TLE6: variants seen among roughly 807,000 people sequenced by gnomAD.
The protein encoded by TLE6 is TLE family member 6, subcortical maternal complex member, also known as transducin-like enhancer protein 6.
TLE6 carries 72 observed loss-of-function variants against 77.1 expected under a neutral mutation model. That is an observed-to-expected ratio of 0.93 (90% confidence interval 0.77 to 1.14). The LOEUF is 1.14. Ranked by LOEUF, TLE6 falls within the 50% of genes most tolerant of loss-of-function variation. The pLI, the probability that TLE6 is intolerant of heterozygous loss-of-function variation, is 0.00. For synonymous variants in TLE6, 366 were observed against 287.3 expected, an observed-to-expected ratio of 1.27 and a Z score of -2.77; for missense variants, 843 against 747.6, an observed-to-expected ratio of 1.13 and a Z score of -1.49.
chr19:2,993,347 A>C (rs1161833770), intron 14 of TLE6, 85 bp from the exon 15 acceptor site: 28 of 1,448,426 alleles, frequency 1.9e-5, no homozygotes, highest in Non-Finnish European at 2.6e-5. Context: ...CCCGGCCTCC[A>C]GGATAGGTCC....
chr19:2,987,654 C>A, intron 8 of TLE6, 70 bp from the exon 9 acceptor site: 1 of 1,560,368 alleles, frequency 6.4e-7, no homozygotes, highest in Non-Finnish European at 8.8e-7. Context: ...TGCAAGCTGC[C>A]CAGGAATCCG....
chr19:2,988,157 C>T (rs370830056), intron 11 of TLE6, 29 bp downstream of exon 11: 43 of 1,549,812 alleles, frequency 2.8e-5, no homozygotes, highest in Non-Finnish European at 3.5e-5. Flanking sequence ...TGCTTTTGGG[C>T]GGGGTGAGGG....
At chr19:2,981,616 G>T (rs2088799446) in intron 4 of TLE6, 33 bp downstream of exon 4, 4 of 1,550,010 alleles carry the variant, frequency 2.6e-6, no homozygotes, top group Non-Finnish European at 3.5e-6. Context: ...CAACCAAGGA[G>T]GGCCCCACTG....
At chr19:2,988,179 TCCTTCCTGTCTATA>T in intron 11 of TLE6, 51 bp downstream of exon 11, 1 of 1,528,570 alleles carries the variant, frequency 6.5e-7, no homozygotes, top group Non-Finnish European at 8.9e-7. Flanking sequence ...CAGCGGGAAT[TCCTTCCTGTCTATA>T]CCTCTGTTCC....
chr19:2,986,894 G>A lies in TLE6; in HGVS notation c.285+3G>A. On this transcript the variant is annotated splice_donor_region_variant and intron_variant, in intron 6 of 16. Coordinates refer to ENST00000246112, the MANE Select transcript of TLE6 (RefSeq NM_001143986.2). ...TCCAGGGTTTCCAGTCTGAGGAGGT[G>A]AGTTTCTGGGTCTTCAAGGAGGGGA... The A allele has an allele frequency of 6.4e-7, 1 of 1,551,902 alleles. No homozygotes were observed. Among genetic ancestry groups the A allele is most frequent in the South Asian group, 1.2e-5 (1 of 84,146 alleles).
chr19:2,994,206 T>C, intron 16 of TLE6, 111 bp downstream of exon 16: 1 of 862,054 alleles, frequency 1.2e-6, no homozygotes, highest in South Asian at 1.7e-5. Context: ...CCAGGTGTGG[T>C]GGCTCACGGC....
Position 2,993,567 on chromosome 19 carries a change from A to C in TLE6, c.1522A>C (p.Lys508Gln), listed in dbSNP as rs1489835680. Residue 508 changes from lysine (K) to glutamine (Q), a missense_variant, in exon 15 of 17, where the codon AAG becomes CAG. Coordinates refer to ENST00000246112, the MANE Select transcript of TLE6 (RefSeq NM_001143986.2). ...AAAAGACAGCGTCATCCTGAGCGTC[A>C]AGTTCTCCCCCTTTGGTAAGCGGCT... is the stretch of plus-strand genomic sequence containing the variant. The part of the protein sequence containing the change: ...GQKDSVILSV[K>Q]FSPFGQWWAS... 6.4e-7 allele frequency: 1 copy of C among 1,572,078 alleles called. No homozygotes were observed. The highest frequency in any genetic ancestry group is 8.7e-7 in the Non-Finnish European group (1 of 1,152,120).
At position 2,991,843 on chromosome 19, in the gene TLE6, G is replaced by A. The variant is rs375998738; in HGVS notation, c.1245G>A (p.Arg415=). 150 of 1,613,430 alleles carry A rather than the reference G, an allele frequency of 9.3e-5. No homozygotes were observed. Among genetic ancestry groups the A allele is most frequent in the Non-Finnish European group, 1.2e-4 (142 of 1,179,804 alleles). The change falls in exon 14 of 17, where the codon AGG becomes AGA. Residue 415 remains arginine (R), a splice_region_variant and synonymous_variant. Transcript: ENST00000246112. ...IWDLRDQSVV[R]DLKGYPDGVK... Reference sequence around the variant, plus strand: ...GCCTCCCGATGTCCCTTCTGGCCAGGGACCTCAAGGGTTATCCTGATGGAG... The same window carrying A: ...GCCTCCCGATGTCCCTTCTGGCCAGAGACCTCAAGGGTTATCCTGATGGAG...
intron 5 of TLE6, among the ~76,000 whole-genome samples, chr19:2,982,667 A>G (rs2088824022): frequency 2.0e-5 from 3 of 151,112 alleles, no homozygotes. Flanking sequence ...GCCATGGAGG[A>G]CTGCTGGCAG....
chr19:2,982,399 G>A (rs762545771), intron 5 of TLE6, among the ~76,000 whole-genome samples: 21 of 151,740 alleles, frequency 1.4e-4, no homozygotes, highest in Admixed American at 2.6e-4. Flanking sequence ...TTAGCCAGGC[G>A]TGGTGGCGGG....
In TLE6 at chr19:2,986,213, G is replaced by A. The variant is rs898285364; in HGVS notation, c.223-616G>A. On this transcript the variant is annotated intron_variant, in intron 5 of 16. Transcript: ENST00000246112. ...GGATAGTTTGAGGCCAGGAATTCAA[G>A]ACCAGCCTGGCCAACATAATGAGAC... Among the ~76,000 whole-genome samples the A allele has an allele frequency of 4.0e-5, 6 of 148,922 alleles. No homozygotes were observed. The Admixed American group carries it at 4.1e-4, about 10-fold the overall frequency.
intron 13 of TLE6, 78 bp downstream of exon 13, chr19:2,989,863 C>A (rs2089006170): frequency 1.3e-6 from 2 of 1,559,098 alleles, no homozygotes; most frequent in Admixed American, 1.8e-5. Context: ...ACTGCTACCA[C>A]CTCTGCCCGC....
intron 13 of TLE6, among the ~76,000 whole-genome samples, chr19:2,990,711 A>G (rs2089031082): frequency 6.7e-6 from 1 of 149,780 alleles, no homozygotes; most frequent in African/African-American, 2.4e-5. Context: ...ATACATATAT[A>G]AAAAACAGTC....
At position 2,993,561 on chromosome 19, in the gene TLE6, A is replaced by C; in HGVS notation, c.1516A>C (p.Ser506Arg). The change falls in exon 15 of 17, where the codon AGC becomes CGC. Residue 506 changes from serine (S) to arginine (R), a missense_variant. Ser to Arg is a moderately radical substitution (Grantham distance 110, BLOSUM62 -1). Coordinates refer to ENST00000246112, the MANE Select transcript of TLE6 (RefSeq NM_001143986.2). ...GGGGCAAAAAGACAGCGTCATCCTGAGCGTCAAGTTCTCCCCCTTTGGTAA... is the reference window on the plus strand; with the variant it reads ...GGGGCAAAAAGACAGCGTCATCCTGCGCGTCAAGTTCTCCCCCTTTGGTAA... ...MVGQKDSVIL[S>R]VKFSPFGQWW... 2 of 1,576,196 alleles carry C rather than the reference A, an allele frequency of 1.3e-6. No individual in the cohort carries two copies. Among genetic ancestry groups the C allele is most frequent in the Non-Finnish European group, 1.7e-6 (2 of 1,154,154 alleles).
intron 14 of TLE6, among the ~76,000 whole-genome samples, chr19:2,993,095 C>T (rs1039383659): frequency 6.6e-6 from 1 of 150,434 alleles, no homozygotes; most frequent in African/African-American, 2.5e-5. Flanking sequence ...CCTGTAGTCC[C>T]AGCTACTCAA....
At chr19:2,983,849 TTGAA>T (rs922926731) in intron 5 of TLE6, 3 of 152,356 alleles carry the variant, frequency 2.0e-5, no homozygotes, top group African/African-American at 7.2e-5. Context: ...TGAGAAGTAA[TTGAA>T]TAATTGTGGA....
chr19:2,989,053 C>G lies in TLE6; in HGVS notation c.741-8C>G, dbSNP rs551069654. ...CAGGTCAGTTACCCCAAGGCCTCCC[C>G]TCCCAAGATCCTGGGACCCTGAGGA... On this transcript the variant is annotated splice_polypyrimidine_tract_variant and splice_region_variant and intron_variant, in intron 11 of 16. Coordinates refer to ENST00000246112, the MANE Select transcript of TLE6 (RefSeq NM_001143986.2). The G allele has an allele frequency of 4.3e-6, 7 of 1,610,750 alleles. No individual in the cohort carries two copies. The Admixed American group carries it at 1.0e-4, about 23-fold the overall frequency.
At position 2,995,150 on chromosome 19, in the gene TLE6, TCAC is replaced by T; in HGVS notation, c.*147_*149del. On this transcript the variant is annotated 3_prime_UTR_variant, in exon 17 of 17. Transcript: ENST00000246112. ...AGTCTGTGGTGTAGACTGGTCGCCA[TCAC>T]GTGTAATAAAGCACCCGGGAAAGGC... The T allele has an allele frequency of 1.9e-6, 1 of 523,738 alleles. No homozygotes were observed. Among genetic ancestry groups the T allele is most frequent in the South Asian group, 2.8e-5 (1 of 36,348 alleles). The allele number at this position is 523,738 out of a possible 1,614,324, so 32.4% of individuals were successfully genotyped here. A position where few individuals can be genotyped will look rare whatever the true frequency, so the allele number is the denominator to read the frequency against.
intron 5 of TLE6, among the ~76,000 whole-genome samples, chr19:2,984,687 C>T (rs1336217561): frequency 2.0e-5 from 3 of 151,804 alleles, no homozygotes; most frequent in Non-Finnish European, 2.9e-5. Context: ...AGGCTGGTCT[C>T]GAACTTCTGA....
Sources: allele counts gnomAD v4.1 joint callset (sites outside exome capture counted in the v4.1 genomes callset), GRCh38; gene constraint gnomAD v4.1.1; transcripts MANE v1.5; gene names NCBI Gene and HGNC (gene_info 2026-07-23, HGNC 2026-07-21).